The following LRP5 variants were observed in gnomAD, a reference collection of about 807,000 sequenced individuals.
The protein encoded by LRP5 is low-density lipoprotein receptor-related protein 5.
In LRP5, 62 loss-of-function variants were observed where a neutral mutation model predicts 154.1. The observed-to-expected ratio is 0.40, with a 90% CI of 0.33 to 0.50. The LOEUF is 0.50. Among genes scored for constraint, LRP5 ranks in the 20% least tolerant of loss-of-function variants. The pLI is 0.55. For synonymous variants in LRP5, 966 were observed against 1,011.5 expected, an observed-to-expected ratio of 0.96 and a Z score of 0.85; for missense variants, 1,915 against 2,336.7, an observed-to-expected ratio of 0.82 and a Z score of 3.72.
intron 1 of LRP5, among the ~76,000 whole-genome samples, chr11:68,328,506 A>ACGGC (rs1171443953): frequency 6.6e-6 from 1 of 152,126 alleles, no homozygotes; most frequent in Non-Finnish European, 1.5e-5. Flanking sequence ...CACAGGGGAA[A>ACGGC]CGGCCGCTTC....
intron 5 of LRP5, among the ~76,000 whole-genome samples, chr11:68,371,927 G>T (rs2098634227): frequency 6.6e-6 from 1 of 152,224 alleles, no homozygotes; most frequent in Non-Finnish European, 1.5e-5. Context: ...GGCAGAGGAG[G>T]CCCTGGGGTC....
intron 1 of LRP5, among the ~76,000 whole-genome samples, chr11:68,331,129 T>A (rs1371878281): frequency 6.6e-6 from 1 of 152,210 alleles, no homozygotes; most frequent in Admixed American, 6.5e-5. Context: ...GTAATTATGC[T>A]CCAGGCCTTG....
At chr11:68,436,701 G>GTGGCAT (rs2098675169) in intron 18 of LRP5, among the ~76,000 whole-genome samples, 188 bp from the exon 19 acceptor site, 1 of 152,200 alleles carries the variant, frequency 6.6e-6, no homozygotes, top group Non-Finnish European at 1.5e-5. Flanking sequence ...CCTCCCCTGC[G>GTGGCAT]TGGCATAGGC....
At chr11:68,359,509 G>A (rs1427261291) in intron 3 of LRP5, among the ~76,000 whole-genome samples, 2 of 152,196 alleles carry the variant, frequency 1.3e-5, no homozygotes, top group African/African-American at 4.8e-5. Context: ...CCTGGTCAAA[G>A]GATGGTGACA....
chr11:68,368,091 C>T (rs915732774), intron 5 of LRP5, among the ~76,000 whole-genome samples: 11 of 150,212 alleles, frequency 7.3e-5, no homozygotes, highest in Admixed American at 6.0e-4. Context: ...AAATGCAGCT[C>T]GTCCTGGCTA....
intron 10 of LRP5, among the ~76,000 whole-genome samples, chr11:68,410,660 G>A (rs972084178): frequency 1.3e-5 from 2 of 152,210 alleles, no homozygotes; most frequent in East Asian, 3.8e-4. Context: ...CCCACCTCGA[G>A]AGGCAAATGT....
At chr11:68,363,420 G>C (rs1321350663) in intron 3 of LRP5, among the ~76,000 whole-genome samples, 1 of 152,188 alleles carries the variant, frequency 6.6e-6, no homozygotes, top group East Asian at 1.9e-4. Context: ...GCTTTGAGAG[G>C]CTGAGGTGGG....
intron 6 of LRP5, 81 bp from the exon 7 acceptor site, chr11:68,389,800 G>T: frequency 6.8e-7 from 1 of 1,465,912 alleles, no homozygotes; most frequent in South Asian, 1.1e-5. Context: ...CCGGCTTGGG[G>T]GCAGGCCTTG....
intron 1 of LRP5, among the ~76,000 whole-genome samples, chr11:68,345,506 C>T (rs910090470): frequency 1.1e-4 from 16 of 146,440 alleles, no homozygotes; most frequent in East Asian, 1.1e-3. Flanking sequence ...AGGCTGGTCT[C>T]GAACTCCTGA....
intron 3 of LRP5, among the ~76,000 whole-genome samples, chr11:68,361,881 A>G (rs73513039): frequency 0.024 from 3,704 of 152,312 alleles, 143 homozygotes; most frequent in African/African-American, 0.084. Context: ...TTGAGACGTA[A>G]ACATTGATTT....
chr11:68,364,925 C>CA (rs1013837198), intron 4 of LRP5, among the ~76,000 whole-genome samples: 5 of 112,942 alleles, frequency 4.4e-5, no homozygotes, highest in Admixed American at 9.0e-5. Flanking sequence ...GGGGCTGCTA[C>CA]ACCCAGCTTT....
At chr11:68,337,251 A>G (rs941131002) in intron 1 of LRP5, among the ~76,000 whole-genome samples, 2 of 152,166 alleles carry the variant, frequency 1.3e-5, no homozygotes, top group Non-Finnish European at 2.9e-5. Context: ...AGGAGCCCGG[A>G]AGCAGACCCA....
intron 8 of LRP5, 72 bp downstream of exon 8, chr11:68,403,771 C>A (rs2098654022): frequency 1.3e-6 from 2 of 1,579,256 alleles, no homozygotes; most frequent in Non-Finnish European, 1.7e-6. Context: ...CGGGTCCATG[C>A]CTGGGCATAA....
chr11:68,408,278 G>C (rs1221378927), intron 9 of LRP5, among the ~76,000 whole-genome samples: 2 of 144,746 alleles, frequency 1.4e-5, no homozygotes, highest in Admixed American at 6.9e-5. Context: ...GGGGAGACAG[G>C]GTTTCCGCAT....
At position 68,439,858 on chromosome 11, in the gene LRP5, A is replaced by G; in HGVS notation, c.4430A>G (p.His1477Arg). The G allele has an allele frequency of 6.2e-7, 1 of 1,603,774 alleles. No individual in the cohort carries two copies. Among genetic ancestry groups the G allele is most frequent in the Non-Finnish European group, 8.5e-7 (1 of 1,176,726 alleles). Residue 1477 changes from histidine to arginine, a missense_variant, in exon 21 of 23, where the codon CAC becomes CGC. This residue lies in a region of LRP5 where 1,094 missense variants were observed against 1,210.1 expected (regional missense o/e 0.90). Transcript: ENST00000294304. The part of the protein sequence containing the change: ...RGGVPLYDRN[H>R]VTGASSSSSS... ...GGGGTGCCCCTCTACGACCGGAACC[A>G]CGTCACAGGGGCCTCGTCCAGCAGC...
chr11:68,340,247 A>G (rs1254553620), intron 1 of LRP5, among the ~76,000 whole-genome samples: 1 of 151,586 alleles, frequency 6.6e-6, no homozygotes, highest in African/African-American at 2.4e-5. Context: ...TCTCAAAATA[A>G]AAATAAAAAT....
chr11:68,446,097 C>T (rs879571857), intron 21 of LRP5, among the ~76,000 whole-genome samples: 4 of 152,220 alleles, frequency 2.6e-5, no homozygotes, highest in Non-Finnish European at 4.4e-5. Context: ...GTGGGGACAT[C>T]TCCTACTGCT....
At chr11:68,313,471 G>C (rs1397132015) in intron 1 of LRP5, among the ~76,000 whole-genome samples, 1 of 152,156 alleles carries the variant, frequency 6.6e-6, no homozygotes, top group Non-Finnish European at 1.5e-5. Flanking sequence ...GCGGGGCAGT[G>C]GGGGAGGCAG....
chr11:68,307,112 G>A, the LRP5 span, among the ~76,000 whole-genome samples: 3 of 152,136 alleles, frequency 2.0e-5, no homozygotes, highest in East Asian at 1.9e-4. Flanking sequence ...AACCCGGGAG[G>A]TGGAGGTTGC....
Sources: allele counts gnomAD v4.1 joint callset (sites outside exome capture counted in the v4.1 genomes callset), GRCh38; gene constraint gnomAD v4.1.1; regional missense constraint gnomAD v4.1.1; transcripts MANE v1.5; gene names NCBI Gene and HGNC (gene_info 2026-07-23, HGNC 2026-07-21).